The following KIF13A variants were observed in gnomAD, a reference collection of about 807,000 sequenced individuals.
The protein encoded by KIF13A is kinesin family member 13A.
Under a neutral mutation model 212.2 loss-of-function variants are expected in KIF13A, and 79 were observed. The ratio of observed to expected loss-of-function variants is 0.37; its 90% CI spans 0.31 to 0.45. KIF13A has a LOEUF of 0.45. KIF13A is among the 20% of genes least tolerant of loss of function. The pLI is 1.00. For synonymous variants in KIF13A, 789 were observed against 808.6 expected, an observed-to-expected ratio of 0.98 and a Z score of 0.41; for missense variants, 1,901 against 2,209.0, an observed-to-expected ratio of 0.86 and a Z score of 2.79.
chr6:17,923,852 A>G (rs1186592134), intron 2 of KIF13A, among the ~76,000 whole-genome samples: 2 of 152,060 alleles, frequency 1.3e-5, no homozygotes, highest in Admixed American at 1.3e-4. Flanking sequence ...TGAGGGCACA[A>G]CTCTTAAAAA....
chr6:17,986,881 G>A (rs1282832006), intron 2 of KIF13A, among the ~76,000 whole-genome samples, 173 bp downstream of exon 2: 1 of 152,234 alleles, frequency 6.6e-6, no homozygotes, highest in East Asian at 1.9e-4. Flanking sequence ...GGAGGAGAAG[G>A]GGGGCGAGGG....
chr6:17,958,704 TTA>T (rs2150582575), intron 2 of KIF13A, among the ~76,000 whole-genome samples: 1 of 152,272 alleles, frequency 6.6e-6, no homozygotes, highest in East Asian at 1.9e-4. Context: ...GATATTTCAA[TTA>T]TATGATTTAT....
rs529049532 is a variant in KIF13A at position 17,841,437 on chromosome 6, T to A, written c.831-3854A>T. Among the ~76,000 whole-genome samples, 3 of 152,344 alleles carry A rather than the reference T, an allele frequency of 2.0e-5. No homozygotes were observed. In the East Asian group the frequency reaches 5.8e-4, roughly 29 times the overall value. ...CTCCCATGCATAAGCAAGATGCATA[T>A]GCTAATAAAATGCTAGTTGCTTTTC... On this transcript the variant is annotated intron_variant, in intron 9 of 38. Transcript: ENST00000259711.
intron 2 of KIF13A, among the ~76,000 whole-genome samples, chr6:17,913,283 G>C (rs1774231677): frequency 6.6e-6 from 1 of 152,098 alleles, no homozygotes; most frequent in Admixed American, 6.6e-5. Flanking sequence ...CTATGGGTTT[G>C]GGAAACTCAC....
At chr6:17,815,119 T>C (rs1448443554) in intron 17 of KIF13A, among the ~76,000 whole-genome samples, 2 of 152,238 alleles carry the variant, frequency 1.3e-5, no homozygotes, top group East Asian at 3.8e-4. Flanking sequence ...CCTTCCCTGT[T>C]TGGCAGCCAA....
At chr6:17,840,733 G>A (rs1258347410) in intron 9 of KIF13A, among the ~76,000 whole-genome samples, 2 of 151,766 alleles carry the variant, frequency 1.3e-5, no homozygotes, top group Non-Finnish European at 2.9e-5. Flanking sequence ...CGCTTTGAGA[G>A]AAAAAAGGAA....
At position 17,984,783 on chromosome 6, in the gene KIF13A, C is replaced by G. The variant is rs1490681079; in HGVS notation, c.146+2271G>C. 6.6e-6 allele frequency among the ~76,000 whole-genome samples: 1 copy of G among 152,132 alleles called. No homozygotes were observed. The highest frequency in any genetic ancestry group is 1.5e-5 in the Non-Finnish European group (1 of 68,038). On this transcript the variant is annotated intron_variant, in intron 2 of 38. Coordinates refer to ENST00000259711, the MANE Select transcript of KIF13A (RefSeq NM_022113.6). This position sits in a 1 kb window ranked among gnomAD's most constrained non-coding sequence, Gnocchi z 5.0. Reference sequence around the variant, plus strand: ...TTTAAAGACCTCTTACACTTCAAACCTTGGACTTGCAGATATGAAAAATAA... The same window carrying G: ...TTTAAAGACCTCTTACACTTCAAACGTTGGACTTGCAGATATGAAAAATAA...
intron 2 of KIF13A, among the ~76,000 whole-genome samples, chr6:17,936,823 A>G (rs1776511151): frequency 6.6e-6 from 1 of 152,234 alleles, no homozygotes; most frequent in Admixed American, 6.5e-5. Flanking sequence ...GTTACATTTA[A>G]GTGTGTTTGC....
In KIF13A at chr6:17,951,172, G is replaced by T; in HGVS notation, c.146+35882C>A. 9 of 1,233,538 alleles carry T rather than the reference G, an allele frequency of 7.3e-6. No individual in the cohort carries two copies. Among genetic ancestry groups the T allele is most frequent in the Non-Finnish European group, 9.1e-6 (9 of 986,640 alleles). 76.4% of individuals were successfully genotyped at this position (1,233,538 alleles called of 1,614,324 possible). Reference sequence around the variant, plus strand: ...CGCCACTTTAATTTTTTATTTTTTTGAAGACAGGGTCTGGCTCTGTCACCC... The same window carrying T: ...CGCCACTTTAATTTTTTATTTTTTTTAAGACAGGGTCTGGCTCTGTCACCC... On this transcript the variant is annotated intron_variant, in intron 2 of 38. Coordinates refer to ENST00000259711, the MANE Select transcript of KIF13A (RefSeq NM_022113.6). This position sits in a 1 kb window ranked among gnomAD's most constrained non-coding sequence, Gnocchi z 4.9.
At chr6:17,766,430 G>T (rs9477520) in intron 38 of KIF13A, among the ~76,000 whole-genome samples, 15,762 of 151,870 alleles carry the variant, frequency 0.1, 1,018 homozygotes, top group African/African-American at 0.18. Flanking sequence ...TAGAGACAGG[G>T]TTTCTCCATG....
chr6:17,794,120 G>A lies in KIF13A; in HGVS notation c.3222+129C>T. The A allele has an allele frequency of 1.5e-6, 1 of 647,448 alleles. No individual in the cohort carries two copies. Among genetic ancestry groups the A allele is most frequent in the Non-Finnish European group, 2.6e-6 (1 of 384,232 alleles). 40.1% of individuals were successfully genotyped at this position (647,448 alleles called of 1,614,324 possible). A position where few individuals can be genotyped will look rare whatever the true frequency, so the allele number is the denominator to read the frequency against. On this transcript the variant is annotated intron_variant, in intron 25 of 38. Coordinates refer to ENST00000259711, the MANE Select transcript of KIF13A (RefSeq NM_022113.6). The surrounding 1 kb of genome is among the most constrained non-coding windows in gnomAD (Gnocchi z 4.1). ...TTTTAAAGCTAGAAAAAAGGCAATG[G>A]ATGGAAATGTGAACTGGGGGAAGAT... is the stretch of plus-strand genomic sequence containing the variant.
At chr6:17,939,898 G>A (rs192555425) in intron 2 of KIF13A, among the ~76,000 whole-genome samples, 202 of 152,048 alleles carry the variant, frequency 1.3e-3, no homozygotes, top group Non-Finnish European at 2.2e-3. Context: ...AAATTAGCTG[G>A]GCGTGGTGGC....
At chr6:17,802,373 C>A (rs1762541387) in intron 20 of KIF13A, among the ~76,000 whole-genome samples, 1 of 150,826 alleles carries the variant, frequency 6.6e-6, no homozygotes, top group Non-Finnish European at 1.5e-5. Context: ...CTCACAGCAA[C>A]CTCCGCCTCC....
At chr6:17,870,840 C>A (rs550575546) in intron 4 of KIF13A, among the ~76,000 whole-genome samples, 1 of 152,126 alleles carries the variant, frequency 6.6e-6, no homozygotes, top group African/African-American at 2.4e-5. Context: ...TCTTCCTTTA[C>A]GGAAAAGTCA....
At position 17,980,530 on chromosome 6, in the gene KIF13A, G is replaced by A. The variant is rs528631634; in HGVS notation, c.146+6524C>T. 3.3e-5 allele frequency among the ~76,000 whole-genome samples: 5 copies of A among 152,260 alleles called. No individual in the cohort carries two copies. The South Asian group carries it at 1.0e-3, about 32-fold the overall frequency. On this transcript the variant is annotated intron_variant, in intron 2 of 38. Transcript: ENST00000259711. ...CAGATCACAACAGAACACGTAAGAAGGGCCAAGGAGAAATGTCTCTAAGAA... is the reference window on the plus strand; with the variant it reads ...CAGATCACAACAGAACACGTAAGAAAGGCCAAGGAGAAATGTCTCTAAGAA...
chr6:17,821,496 G>T (rs1306467185), intron 16 of KIF13A, among the ~76,000 whole-genome samples: 2 of 150,082 alleles, frequency 1.3e-5, no homozygotes, highest in Non-Finnish European at 3.0e-5. Flanking sequence ...CACACATACA[G>T]AATAGCTGCT....
intron 22 of KIF13A, among the ~76,000 whole-genome samples, chr6:17,798,989 A>G (rs1762265739): frequency 6.6e-6 from 1 of 152,238 alleles, no homozygotes; most frequent in Admixed American, 6.5e-5. Flanking sequence ...ACACACATAT[A>G]AAAGATGCAG....
chr6:17,977,683 GATTT>G (rs1780695967), intron 2 of KIF13A, among the ~76,000 whole-genome samples: 1 of 152,154 alleles, frequency 6.6e-6, no homozygotes, highest in Admixed American at 6.5e-5. Flanking sequence ...AAGAATAACT[GATTT>G]GTTTTTATTT....
rs1372826563 is a variant in KIF13A at position 17,786,559 on chromosome 6, C to T, written c.3362-918G>A. 1.3e-5 allele frequency among the ~76,000 whole-genome samples: 2 copies of T among 152,008 alleles called. No homozygotes were observed. Among genetic ancestry groups the T allele is most frequent in the African/African-American group, 4.8e-5 (2 of 41,368 alleles). ...AGGTTGCAGTGGGCCAAGATCATGC[C>T]ACTGCACTCCAGCCTGGGCGACAGA... On this transcript the variant is annotated intron_variant, in intron 27 of 38. Transcript: ENST00000259711. The surrounding 1 kb of genome is among the most constrained non-coding windows in gnomAD (Gnocchi z 5.4).
Sources: allele counts gnomAD v4.1 joint callset (sites outside exome capture counted in the v4.1 genomes callset), GRCh38; gene constraint gnomAD v4.1.1; non-coding constraint Gnocchi (gnomAD v3.1); transcripts MANE v1.5; gene names NCBI Gene and HGNC (gene_info 2026-07-23, HGNC 2026-07-21).